Variants in CCDC110 observed in about 807,000 individuals in gnomAD.
The protein encoded by CCDC110 is coiled-coil domain-containing protein 110.
Under a neutral mutation model 77.1 loss-of-function variants are expected in CCDC110, and 70 were observed. The ratio of observed to expected loss-of-function variants is 0.91; its 90% CI spans 0.75 to 1.11. The LOEUF (loss-of-function observed/expected upper bound fraction) is 1.11, where lower values mean the gene tolerates loss of function less well. CCDC110 is among the 50% of genes least tolerant of loss of function. CCDC110 has a pLI of 0.00. For missense variants in CCDC110, 868 were observed against 942.9 expected, an observed-to-expected ratio of 0.92 and a Z score of 1.04; for synonymous variants, 295 against 312.5, an observed-to-expected ratio of 0.94 and a Z score of 0.59.
intron 2 of CCDC110, among the ~76,000 whole-genome samples, chr4:185,469,300 G>T (rs1399750681): frequency 6.6e-6 from 1 of 152,194 alleles, no homozygotes; most frequent in Admixed American, 6.5e-5. Context: ...GGTGGCCCCT[G>T]ACTCAAGATA....
At chr4:185,463,884 T>C (rs2095650842) in intron 2 of CCDC110, among the ~76,000 whole-genome samples, 1 of 152,174 alleles carries the variant, frequency 6.6e-6, no homozygotes, top group Non-Finnish European at 1.5e-5. Context: ...CATCCGGTGC[T>C]TGACTGTTGT....
intron 6 of CCDC110, among the ~76,000 whole-genome samples, chr4:185,456,083 C>A (rs1281494076): frequency 6.6e-6 from 1 of 152,062 alleles, no homozygotes; most frequent in Non-Finnish European, 1.5e-5. Context: ...CTCCAGTTCA[C>A]CTGAAACATC....
intron 6 of CCDC110, chr4:185,457,621 G>T: frequency 1.8e-6 from 1 of 551,544 alleles, no homozygotes; most frequent in Non-Finnish European, 3.0e-6. Context: ...GTTCTTGACA[G>T]TATAAAATAT....
At chr4:185,471,571 G>A (rs2095668022) in intron 1 of CCDC110, 103 bp downstream of exon 1, 2 of 1,312,156 alleles carry the variant, frequency 1.5e-6, no homozygotes, top group African/African-American at 1.5e-5. Context: ...GGGCGGACCC[G>A]GGATGTCCCG....
chr4:185,471,025 T>A lies in CCDC110; in HGVS notation c.35A>T (p.Glu12Val). The change falls in exon 2 of 7, where the codon GAA (glutamate) becomes GTA (valine). Residue 12 changes from glutamate to valine, a missense_variant. Glu to Val is a moderately radical substitution (Grantham distance 121). Coordinates refer to ENST00000307588, the MANE Select transcript of CCDC110 (RefSeq NM_152775.4). ...SPEKQHREED[E>V]VDSVLLSASK... ...CGCTGAAAGGAGAACGGAGTCAACT[T>A]CATCCTCTTCCCGGTGCTGCTTTTC... The A allele has an allele frequency of 1.3e-6, 2 of 1,589,634 alleles. No homozygotes were observed. The highest frequency in any genetic ancestry group is 1.7e-6 in the Non-Finnish European group (2 of 1,172,246).
In CCDC110 at chr4:185,467,860, C is replaced by G. The variant is rs1580202308; in HGVS notation, c.115+3085G>C. On this transcript the variant is annotated intron_variant, in intron 2 of 6. Transcript: ENST00000307588. ...TTCTTCTCATTGCAACCTCTGCCTC[C>G]CGGGTTCAAGTGATTCTCCTGCCTC... Among the ~76,000 whole-genome samples the G allele has an allele frequency of 2.6e-5, 4 of 152,288 alleles. No homozygotes were observed. The South Asian group carries it at 8.3e-4, about 32-fold the overall frequency.
chr4:185,455,273 C>A (rs564688532), intron 6 of CCDC110, among the ~76,000 whole-genome samples: 1 of 152,136 alleles, frequency 6.6e-6, no homozygotes, highest in East Asian at 1.9e-4. Context: ...ATAGTGCTCA[C>A]CATTAGTTAT....
intron 2 of CCDC110, among the ~76,000 whole-genome samples, chr4:185,465,718 A>C (rs564471794): frequency 9.8e-5 from 15 of 152,352 alleles, no homozygotes; most frequent in African/African-American, 3.6e-4. Flanking sequence ...AGGCAATTGC[A>C]GGGCTACCGC....
chr4:185,462,540 T>C, intron 4 of CCDC110, 103 bp downstream of exon 4: 1 of 867,120 alleles, frequency 1.2e-6, no homozygotes, highest in Non-Finnish European at 1.9e-6. Context: ...TCTATTATAT[T>C]AAATTCTGTG....
Position 185,458,637 on chromosome 4 carries a change from TTC to T in CCDC110, c.1948_1949del (p.Glu650IlefsTer13). 6.2e-7 allele frequency: 1 copy of T among 1,608,752 alleles called. No individual in the cohort carries two copies. The highest frequency in any genetic ancestry group is 8.5e-7 in the Non-Finnish European group (1 of 1,179,638). On this transcript the variant is annotated frameshift_variant, in exon 6 of 7. Transcript: ENST00000307588. LOFTEE classifies it high-confidence loss of function. ...EKLNLETTLQ[E>X]STAARQIMER... ...CCATAATTTGTCTGGCAGCAGTAGA[TTC>T]TTGTAATGTTGTTTCAAGGTTGAGT...
intron 1 of CCDC110, chr4:185,471,421 C>T (rs957144433): frequency 8.4e-6 from 3 of 356,210 alleles, no homozygotes; most frequent in African/African-American, 2.4e-5. Flanking sequence ...CGGCGCTTTC[C>T]GCAAGCGGCC....
chr4:185,462,615 T>G (rs1236143130), intron 4 of CCDC110, 28 bp downstream of exon 4: 2 of 1,572,268 alleles, frequency 1.3e-6, no homozygotes, highest in South Asian at 2.2e-5. Flanking sequence ...AGGTGAGATA[T>G]TTCATATATA....
At chr4:185,449,589 A>G (rs756965298) in intron 6 of CCDC110, 5 of 1,532,596 alleles carry the variant, frequency 3.3e-6, no homozygotes, top group Middle Eastern at 1.7e-4. Context: ...TTATTTTCCA[A>G]TTTTAGGGCA....
At chr4:185,470,642 C>T in intron 2 of CCDC110, 1 of 517,354 alleles carries the variant, frequency 1.9e-6, no homozygotes, top group Non-Finnish European at 3.7e-6. Context: ...CGGAGCCGCC[C>T]TGCTGAATGC....
chr4:185,462,980 G>T lies in CCDC110; in HGVS notation c.171+14C>A. 1 of 1,604,624 alleles carries T rather than the reference G, an allele frequency of 6.2e-7. No individual in the cohort carries two copies. Among genetic ancestry groups the T allele is most frequent in the Non-Finnish European group, 8.5e-7 (1 of 1,171,474 alleles). ...CCAGAATTTTGGAGATGATAAAATG[G>T]AATATAGACTCACTTTCAATGCTGA... On this transcript the variant is annotated intron_variant, in intron 3 of 6. Coordinates refer to ENST00000307588, the MANE Select transcript of CCDC110 (RefSeq NM_152775.4).
intron 6 of CCDC110, among the ~76,000 whole-genome samples, chr4:185,448,611 G>A (rs2095621647): frequency 2.0e-5 from 3 of 152,178 alleles, no homozygotes; most frequent in South Asian, 2.1e-4. Context: ...ACTATTCTCT[G>A]TGGGCTAGTT....
intron 6 of CCDC110, among the ~76,000 whole-genome samples, chr4:185,446,404 T>G (rs1483760350): frequency 6.6e-6 from 1 of 152,194 alleles, no homozygotes; most frequent in African/African-American, 2.4e-5. Context: ...CTTGTACTAC[T>G]CTTCTTGCTC....
intron 2 of CCDC110, among the ~76,000 whole-genome samples, chr4:185,469,745 C>A (rs2095662526): frequency 6.6e-6 from 1 of 152,208 alleles, no homozygotes; most frequent in South Asian, 2.1e-4. Flanking sequence ...TGCCTGGGCA[C>A]CCGGGTGTCT....
chr4:185,470,254 T>A (rs1422812911), intron 2 of CCDC110, among the ~76,000 whole-genome samples: 8 of 152,352 alleles, frequency 5.3e-5, no homozygotes, highest in African/African-American at 1.4e-4. Flanking sequence ...TTCCAGAGCC[T>A]CTGCGGATAG....
Sources: gnomAD v4.1 joint callset for allele counts (sites outside exome capture counted in the v4.1 genomes callset) on GRCh38, gnomAD v4.1.1 for gene constraint, MANE v1.5 for transcripts, NCBI Gene and HGNC (gene_info 2026-07-23, HGNC 2026-07-21) for gene names.